PIGF: variants seen among roughly 807,000 people sequenced by gnomAD.
PIGF encodes the protein GPI ethanolamine phosphate transferase, stabilizing subunit.
A neutral mutation model predicts 26.0 loss-of-function variants in PIGF; 23 were observed. That is an observed-to-expected ratio of 0.88 (90% CI 0.64 to 1.25). The LOEUF (loss-of-function observed/expected upper bound fraction) is 1.25, where lower values mean the gene tolerates loss of function less well. Ranked by LOEUF, PIGF falls within the 50% of genes most tolerant of loss-of-function variation. The probability of loss-of-function intolerance (pLI) is 0.00; values close to 1 mark genes in which losing one functional copy is unlikely to be tolerated. For missense variants in PIGF, 278 were observed against 249.9 expected (o/e 1.11, Z -0.76); for synonymous variants, 93 against 92.6 (o/e 1.00, Z -0.03).
chr2:46,593,182 G>A (rs1463574513), intron 4 of PIGF, among the ~76,000 whole-genome samples: 3 of 150,288 alleles, frequency 2.0e-5, no homozygotes, highest in Non-Finnish European at 3.0e-5. Context: ...GTCCAGGCTG[G>A]AGTGCAATGG....
intron 3 of PIGF, among the ~76,000 whole-genome samples, chr2:46,612,794 A>AT (rs1197621957): frequency 6.6e-5 from 10 of 152,292 alleles, no homozygotes; most frequent in Admixed American, 5.9e-4. Flanking sequence ...GGAGAGCTGG[A>AT]TAAACTAAAG....
intron 4 of PIGF, among the ~76,000 whole-genome samples, chr2:46,606,080 T>A (rs1279940269): frequency 6.6e-6 from 1 of 152,152 alleles, no homozygotes; most frequent in African/African-American, 2.4e-5. Flanking sequence ...ATCTAGCAAT[T>A]TCCTGACATA....
chr2:46,600,913 A>G (rs544263656), intron 4 of PIGF, among the ~76,000 whole-genome samples: 9 of 151,538 alleles, frequency 5.9e-5, no homozygotes, highest in Admixed American at 2.6e-4. Flanking sequence ...TTTTAAAATT[A>G]TATATATATA....
intron 5 of PIGF, among the ~76,000 whole-genome samples, chr2:46,584,055 T>C (rs540053772): frequency 6.6e-6 from 1 of 152,328 alleles, no homozygotes; most frequent in Admixed American, 6.5e-5. Context: ...TAATGGGTTT[T>C]GTTATGAATT....
intron 5 of PIGF, among the ~76,000 whole-genome samples, chr2:46,587,071 G>C (rs1397476941): frequency 2.6e-5 from 4 of 152,210 alleles, no homozygotes; most frequent in Non-Finnish European, 4.4e-5. Flanking sequence ...TTATCAACAT[G>C]ATTACCCTAC....
chr2:46,606,195 A>C (rs1246696648), intron 4 of PIGF, among the ~76,000 whole-genome samples: 1 of 152,308 alleles, frequency 6.6e-6, no homozygotes, highest in East Asian at 1.9e-4. Context: ...CAAATTTCAA[A>C]AGATAGCAAA....
intron 4 of PIGF, among the ~76,000 whole-genome samples, chr2:46,609,867 T>A (rs1016217692): frequency 6.6e-6 from 1 of 152,116 alleles, no homozygotes; most frequent in Non-Finnish European, 1.5e-5. Context: ...ATAATAGATA[T>A]AATAATAATG....
At chr2:46,587,044 G>A (rs185730466) in intron 5 of PIGF, among the ~76,000 whole-genome samples, 9 of 152,238 alleles carry the variant, frequency 5.9e-5, no homozygotes, top group Non-Finnish European at 1.2e-4. Context: ...TAACATGAAA[G>A]TCCTGTTAGC....
intron 4 of PIGF, among the ~76,000 whole-genome samples, chr2:46,611,707 T>C (rs1004866952): frequency 1.3e-5 from 2 of 152,186 alleles, no homozygotes; most frequent in African/African-American, 4.8e-5. Context: ...TTAGCCATGC[T>C]GAAAATATAT....
At chr2:46,608,465 T>C (rs1396317762) in intron 4 of PIGF, among the ~76,000 whole-genome samples, 3 of 152,352 alleles carry the variant, frequency 2.0e-5, no homozygotes, top group African/African-American at 7.2e-5. Context: ...TCAATGTTGA[T>C]ATTTTTATCT....
chr2:46,594,458 C>A (rs1558702631), intron 4 of PIGF, among the ~76,000 whole-genome samples: 1 of 151,410 alleles, frequency 6.6e-6, no homozygotes, highest in Non-Finnish European at 1.5e-5. Flanking sequence ...GCACTGCAGA[C>A]AAGAGAACAC....
intron 5 of PIGF, 85 bp downstream of exon 5, chr2:46,592,390 T>G: frequency 1.4e-6 from 1 of 734,166 alleles, no homozygotes; most frequent in African/African-American, 1.7e-5. Flanking sequence ...ACAAAACAAT[T>G]TACATATACA....
At chr2:46,614,641 T>C (rs945075925) in intron 2 of PIGF, 2 of 218,412 alleles carry the variant, frequency 9.2e-6, no homozygotes, top group South Asian at 1.8e-4. Context: ...GGTTTAAAGA[T>C]AGACTGTCAC....
At chr2:46,604,683 A>G (rs1348244004) in intron 4 of PIGF, among the ~76,000 whole-genome samples, 1 of 151,812 alleles carries the variant, frequency 6.6e-6, no homozygotes, top group East Asian at 1.9e-4. Flanking sequence ...GGAGATAGAG[A>G]GTAGAAGGAT....
chr2:46,615,773 C>T (rs937287943), intron 1 of PIGF: 5 of 152,252 alleles, frequency 3.3e-5, no homozygotes, highest in African/African-American at 9.7e-5. Context: ...AAGAGCACCA[C>T]ACTAAACCAA....
intron 4 of PIGF, among the ~76,000 whole-genome samples, chr2:46,594,797 G>A (rs543131019): frequency 6.6e-6 from 1 of 150,640 alleles, no homozygotes; most frequent in East Asian, 2.0e-4. Flanking sequence ...GCCTCCCAAA[G>A]TGCTGGGATT....
chr2:46,613,792 G>C lies in PIGF; in HGVS notation c.229-7C>G, dbSNP rs772180201. The C allele has an allele frequency of 6.5e-7, 1 of 1,529,618 alleles. No individual in the cohort carries two copies. The highest frequency in any genetic ancestry group is 8.9e-7 in the Non-Finnish European group (1 of 1,121,554). The allele number at this position is 1,529,618 out of a possible 1,614,324, so 94.8% of individuals were successfully genotyped here. A position where few individuals can be genotyped will look rare whatever the true frequency, so the allele number is the denominator to read the frequency against. ...ATTTCAAAAATCCAGTTACCTAAAA[G>C]AGAAATGAATAACCTGAAGATTCAA... On this transcript the variant is annotated splice_polypyrimidine_tract_variant and splice_region_variant and intron_variant, in intron 2 of 5. Transcript: ENST00000281382.
intron 2 of PIGF, chr2:46,614,687 C>T: frequency 3.0e-6 from 1 of 332,016 alleles, no homozygotes; most frequent in Non-Finnish European, 5.6e-6. Flanking sequence ...AAAACAATGA[C>T]TATATAGGCT....
Position 46,598,990 on chromosome 2 carries a change from A to G in PIGF, c.438-6407T>C, listed in dbSNP as rs527906330. Among the ~76,000 whole-genome samples the G allele has an allele frequency of 2.3e-4, 35 of 152,204 alleles. 1 individual carries two copies. Among genetic ancestry groups the G allele is most frequent in the African/African-American group, 8.4e-4 (35 of 41,538 alleles). On this transcript the variant is annotated intron_variant, in intron 4 of 5. Coordinates refer to ENST00000281382, the MANE Select transcript of PIGF (RefSeq NM_002643.4). ...TAGAGAATCCCAAAATGTCAGTACCATTTTCCCTCGAAAGAAATATTTCAA... is the reference window on the plus strand; with the variant it reads ...TAGAGAATCCCAAAATGTCAGTACCGTTTTCCCTCGAAAGAAATATTTCAA...
Sources: gnomAD v4.1 joint callset for allele counts (sites outside exome capture counted in the v4.1 genomes callset) on GRCh38, gnomAD v4.1.1 for gene constraint, MANE v1.5 for transcripts, NCBI Gene and HGNC (gene_info 2026-07-23, HGNC 2026-07-21) for gene names.